ATP13A4: variants seen among roughly 807,000 people sequenced by gnomAD.
ATP13A4 encodes the protein probable cation-transporting ATPase 13A4.
Under a neutral mutation model 142.5 loss-of-function variants are expected in ATP13A4, and 114 were observed. That is an observed-to-expected ratio of 0.80 (90% CI 0.69 to 0.93). The LOEUF (loss-of-function observed/expected upper bound fraction) is 0.93. Ranked by LOEUF, ATP13A4 falls within the 40% of genes least tolerant of loss-of-function variation. The pLI, the probability that ATP13A4 is intolerant of heterozygous loss-of-function variation, is 0.00. For synonymous variants in ATP13A4, 488 were observed against 514.8 expected (o/e 0.95, Z 0.70); for missense variants, 1,392 against 1,454.0 (o/e 0.96, Z 0.69).
chr3:193,482,544 T>A (rs188883383), intron 8 of ATP13A4, among the ~76,000 whole-genome samples: 2 of 152,332 alleles, frequency 1.3e-5, no homozygotes, highest in East Asian at 3.9e-4. Flanking sequence ...ATCCAAAATG[T>A]AGAATAAACT....
intron 25 of ATP13A4, among the ~76,000 whole-genome samples, chr3:193,415,279 A>T (rs952252467): frequency 6.6e-6 from 1 of 152,194 alleles, no homozygotes; most frequent in African/African-American, 2.4e-5. Flanking sequence ...ACACTTAATG[A>T]CAAATAATAG....
chr3:193,539,215 T>G (rs1722753327), intron 1 of ATP13A4, among the ~76,000 whole-genome samples: 1 of 152,138 alleles, frequency 6.6e-6, no homozygotes, highest in African/African-American at 2.4e-5. Context: ...AAACAGTCAG[T>G]GGGCCATATG....
chr3:193,468,945 T>G (rs1471049652), intron 9 of ATP13A4, among the ~76,000 whole-genome samples: 2 of 152,240 alleles, frequency 1.3e-5, no homozygotes. Flanking sequence ...AAGTTGAAGT[T>G]GCCTTGTAGA....
intron 1 of ATP13A4, among the ~76,000 whole-genome samples, chr3:193,531,548 G>A (rs1353321337): frequency 6.6e-6 from 1 of 152,224 alleles, no homozygotes; most frequent in East Asian, 1.9e-4. Context: ...TAGAATGTGA[G>A]CTCCTTGAGG....
At chr3:193,475,930 G>T (rs1163073969) in intron 8 of ATP13A4, among the ~76,000 whole-genome samples, 1 of 151,858 alleles carries the variant, frequency 6.6e-6, no homozygotes, top group Non-Finnish European at 1.5e-5. Context: ...ATATACAATG[G>T]GATAAAGCAA....
upstream of ATP13A4, among the ~76,000 whole-genome samples, chr3:193,556,480 T>C (rs1723892793): frequency 6.8e-6 from 1 of 147,832 alleles, no homozygotes; most frequent in African/African-American, 2.4e-5. Context: ...AATATATATG[T>C]ACGTGTGTGT....
chr3:193,441,521 A>T lies in ATP13A4; in HGVS notation c.2384T>A (p.Leu795Gln). ...KGREGSYHFA[L>Q]TGKSFHVISQ... The stretch of plus-strand genomic sequence containing the variant: ...TATAACATGAAAGGATTTTCCAGTT[A>T]GGGCAAAATGGTAACTTCCTTCTCT... The change falls in exon 20 of 30, where the codon CTA becomes CAA. Residue 795 changes from leucine to glutamine, a missense_variant. Transcript: ENST00000342695. 6.2e-7 allele frequency: 1 copy of T among 1,613,738 alleles called. No homozygotes were observed. Among genetic ancestry groups the T allele is most frequent in the Non-Finnish European group, 8.5e-7 (1 of 1,179,678 alleles).
chr3:193,493,044 G>C (rs1438880393), intron 4 of ATP13A4, 46 bp downstream of exon 4: 1 of 1,603,658 alleles, frequency 6.2e-7, no homozygotes. Flanking sequence ...TAATATTTTT[G>C]AGATAACATT....
intron 11 of ATP13A4, 72 bp from the exon 12 acceptor site, chr3:193,465,200 T>A (rs1489987672): frequency 1.3e-6 from 2 of 1,506,190 alleles, no homozygotes; most frequent in Admixed American, 1.9e-5. Flanking sequence ...TTGCCTTTTT[T>A]TTTTGAGGCG....
rs1210080101 is a variant in ATP13A4, at chr3:193,492,985, G to C, written c.465C>G (p.Asp155Glu). The stretch of plus-strand genomic sequence containing the variant: ...GATGTATCTTGGCAGAACTAAGCCA[G>C]TCTTCCAAAGAACTAAAATAATAAT... ...GQFQKIGSLE[D>E]WLSSAKIHQK... The change falls in exon 5 of 30, where the codon GAC becomes GAG. Residue 155 changes from aspartate (D) to glutamate (E), a missense_variant. By Grantham distance (45) the Asp-to-Glu change is conservative (BLOSUM62 2). Transcript: ENST00000342695. The C allele has an allele frequency of 6.2e-7, 1 of 1,609,594 alleles. No homozygotes were observed. Among genetic ancestry groups the C allele is most frequent in the East Asian group, 2.2e-5 (1 of 44,764 alleles).
At chr3:193,460,322 G>A (rs1350412565) in intron 13 of ATP13A4, among the ~76,000 whole-genome samples, 1 of 152,170 alleles carries the variant, frequency 6.6e-6, no homozygotes, top group Non-Finnish European at 1.5e-5. Flanking sequence ...TTTCAAGACA[G>A]ACAATTACTT....
intron 2 of ATP13A4, among the ~76,000 whole-genome samples, chr3:193,571,988 G>C (rs1195245440): frequency 1.3e-5 from 2 of 152,164 alleles, no homozygotes; most frequent in Admixed American, 1.3e-4. Context: ...ACTAATGTAA[G>C]ATGTTAACAA....
chr3:193,529,429 A>C (rs891487490), intron 1 of ATP13A4, among the ~76,000 whole-genome samples: 1 of 151,980 alleles, frequency 6.6e-6, no homozygotes, highest in Non-Finnish European at 1.5e-5. Context: ...TATAAAATAT[A>C]TAACAAGAAC....
intron 28 of ATP13A4, among the ~76,000 whole-genome samples, chr3:193,409,684 T>C (rs1050820503): frequency 6.6e-6 from 1 of 152,240 alleles, no homozygotes; most frequent in Non-Finnish European, 1.5e-5. Context: ...ACCACAGTGA[T>C]GTAGTTACAA....
intron 28 of ATP13A4, among the ~76,000 whole-genome samples, chr3:193,410,530 T>C (rs949564252): frequency 4.6e-5 from 7 of 152,104 alleles, no homozygotes; most frequent in African/African-American, 1.4e-4. Flanking sequence ...CTGGGCAACA[T>C]AGCAAGCCCT....
chr3:193,495,273 A>C (rs906075515), intron 3 of ATP13A4, among the ~76,000 whole-genome samples: 2 of 152,096 alleles, frequency 1.3e-5, no homozygotes, highest in Admixed American at 1.3e-4. Context: ...CCCTGATAAC[A>C]AAACTAGACA....
At chr3:193,502,955 G>T (rs1048338325) in intron 2 of ATP13A4, among the ~76,000 whole-genome samples, 3 of 151,788 alleles carry the variant, frequency 2.0e-5, no homozygotes, top group African/African-American at 4.8e-5. Context: ...ATGACCTGAT[G>T]ACCATCCCCA....
At chr3:193,462,467 C>T (rs1311353332) in intron 13 of ATP13A4, among the ~76,000 whole-genome samples, 4 of 152,080 alleles carry the variant, frequency 2.6e-5, no homozygotes, top group African/African-American at 9.7e-5. Context: ...ACTTATACTG[C>T]GTCAACTTCA....
rs139753628 is a variant in ATP13A4 at position 193,451,647 on chromosome 3, G to A, written c.2027+2454C>T. ...CTAAAAATAATAAAGAATGATAAGTGTAATATATAGAAAGCATTGTCATCC... is the reference window on the plus strand; with the variant it reads ...CTAAAAATAATAAAGAATGATAAGTATAATATATAGAAAGCATTGTCATCC... On this transcript the variant is annotated intron_variant, in intron 17 of 29. Transcript: ENST00000342695. Among the ~76,000 whole-genome samples, 724 of 152,286 alleles carry A rather than the reference G, an allele frequency of 4.8e-3. 10 individuals are homozygous for A. Among genetic ancestry groups the A allele is most frequent in the African/African-American group, 0.017 (690 of 41,566 alleles).
Sources: allele counts gnomAD v4.1 joint callset (sites outside exome capture counted in the v4.1 genomes callset), GRCh38; gene constraint gnomAD v4.1.1; transcripts MANE v1.5; gene names NCBI Gene and HGNC (gene_info 2026-07-23, HGNC 2026-07-21).